NLRP11: variants seen among roughly 807,000 people sequenced by gnomAD.
NLRP11 encodes the protein NLR family pyrin domain containing 11.
In NLRP11, 53 loss-of-function variants were observed where a neutral mutation model predicts 79.3. The observed-to-expected ratio is 0.67, with a 90% CI of 0.54 to 0.84. The LOEUF (loss-of-function observed/expected upper bound fraction) is 0.84, where lower values mean the gene tolerates loss of function less well. NLRP11 is among the 40% of genes least tolerant of loss of function. The pLI, the probability that NLRP11 is intolerant of heterozygous loss-of-function variation, is 0.00. For synonymous variants in NLRP11, 518 were observed against 462.6 expected, an observed-to-expected ratio of 1.12 and a Z score of -1.54; for missense variants, 1,264 against 1,255.0, an observed-to-expected ratio of 1.01 and a Z score of -0.11.
At chr19:55,794,935 G>T (rs8106437) in intron 6 of NLRP11, among the ~76,000 whole-genome samples, 1 of 151,596 alleles carries the variant, frequency 6.6e-6, no homozygotes, top group Non-Finnish European at 1.5e-5. Context: ...AAAAGGGGGC[G>T]AAAGGAGCTA....
chr19:55,796,065 T>C lies in NLRP11; in HGVS notation c.2342+15A>G. ...TCTGAGCTTCTACGTGGTGAGCTCG[T>C]CTAAGCCAACTTACACCAGTGATAT... On this transcript the variant is annotated intron_variant, in intron 6 of 9. Transcript: ENST00000589093. The C allele has an allele frequency of 6.2e-7, 1 of 1,603,068 alleles. No homozygotes were observed. Among genetic ancestry groups the C allele is most frequent in the Non-Finnish European group, 8.5e-7 (1 of 1,170,982 alleles).
rs756242927 is a variant in NLRP11 at position 55,809,818 on chromosome 19, C to G, written c.792G>C (p.Lys264Asn). The G allele has an allele frequency of 1.2e-6, 2 of 1,614,098 alleles. No individual in the cohort carries two copies. Among genetic ancestry groups the G allele is most frequent in the African/African-American group, 1.3e-5 (1 of 74,950 alleles). The change falls in exon 3 of 10, where the codon AAG (lysine) becomes AAC (asparagine). Residue 264 changes from lysine to asparagine, a missense_variant. Physicochemically the swap from Lys to Asn is moderately conservative, Grantham distance 94. Transcript: ENST00000589093. The surrounding 1 kb of genome is among the most constrained non-coding windows in gnomAD (Gnocchi z 4.5). ...ACCAGCAGCCTGGAGCCATTTTTCTCTTCAGCAAACTGACCAGGAGAACTG... is the reference window on the plus strand; with the variant it reads ...ACCAGCAGCCTGGAGCCATTTTTCTGTTCAGCAAACTGACCAGGAGAACTG...
chr19:55,788,737 C>T, intron 9 of NLRP11, 70 bp downstream of exon 9: 2 of 916,072 alleles, frequency 2.2e-6, no homozygotes, highest in South Asian at 1.7e-5. Flanking sequence ...GAGACTCTGT[C>T]TCTCAAAAAA....
intron 9 of NLRP11, among the ~76,000 whole-genome samples, chr19:55,787,996 A>G (rs138576707): frequency 9.2e-5 from 14 of 152,308 alleles, no homozygotes; most frequent in African/African-American, 3.4e-4. Flanking sequence ...GAGAGATCTC[A>G]AGGACGACCA....
chr19:55,796,639 T>A (rs1978908221), intron 5 of NLRP11, among the ~76,000 whole-genome samples: 1 of 152,164 alleles, frequency 6.6e-6, no homozygotes, highest in Admixed American at 6.5e-5. Flanking sequence ...CTGATGTTTT[T>A]TCTGCATAGC....
At chr19:55,833,661 G>A (rs1042856426), upstream of NLRP11, among the ~76,000 whole-genome samples, 3 of 151,094 alleles carry the variant, frequency 2.0e-5, no homozygotes, top group Admixed American at 2.0e-4. Context: ...CCAGCTACTC[G>A]GGAGGCTGAG....
intron 4 of NLRP11, among the ~76,000 whole-genome samples, chr19:55,805,753 T>C (rs1979928132): frequency 6.6e-6 from 1 of 152,184 alleles, no homozygotes; most frequent in Non-Finnish European, 1.5e-5. Context: ...TTGGCCAGGC[T>C]GGTCTCGAAC....
At chr19:55,818,495 G>C (rs1981362656) in intron 1 of NLRP11, among the ~76,000 whole-genome samples, 1 of 152,228 alleles carries the variant, frequency 6.6e-6, no homozygotes, top group African/African-American at 2.4e-5. Context: ...TTAGCAAATA[G>C]CATATAGGTT....
At chr19:55,789,129 A>G (rs1990084517) in intron 8 of NLRP11, 100 bp downstream of exon 8, 2 of 1,400,612 alleles carry the variant, frequency 1.4e-6, no homozygotes, top group South Asian at 1.3e-5. Context: ...ACACTAGACT[A>G]TTATGTCCGA....
intron 9 of NLRP11, among the ~76,000 whole-genome samples, chr19:55,786,717 T>C (rs1236699738): frequency 6.6e-6 from 1 of 152,176 alleles, no homozygotes; most frequent in Admixed American, 6.5e-5. Context: ...AGTTTAGTTT[T>C]TTTTGAGCAC....
At chr19:55,818,167 T>G in exon 2 of NLRP11, 1 of 1,611,150 alleles carries the variant, frequency 6.2e-7, no homozygotes. Flanking sequence ...AGAATCCGAT[T>G]CTGCCATCTT....
chr19:55,785,526 CACACACACACACATCAA>C, exon 10 of NLRP11: 1 of 1,076,318 alleles, frequency 9.3e-7, no homozygotes, highest in Admixed American at 2.1e-5. Context: ...CACACACACA[CACACACACACACATCAA>C]ATAGGAAAAT....
chr19:55,790,605 T>A (rs1312247698), intron 7 of NLRP11, among the ~76,000 whole-genome samples: 1 of 152,216 alleles, frequency 6.6e-6, no homozygotes, highest in Non-Finnish European at 1.5e-5. Flanking sequence ...TATTCTTTGT[T>A]ATAGAATGTA....
At chr19:55,798,226 T>C in intron 5 of NLRP11, 3 of 587,612 alleles carry the variant, frequency 5.1e-6, no homozygotes, top group Middle Eastern at 8.6e-4. Flanking sequence ...TGGAACGCCT[T>C]ACCTCAGGTG....
At chr19:55,821,953 A>T (rs1193944760) in intron 1 of NLRP11, among the ~76,000 whole-genome samples, 1 of 152,186 alleles carries the variant, frequency 6.6e-6, no homozygotes, top group Non-Finnish European at 1.5e-5. Context: ...TCGTGCTCAT[A>T]TGGTTAACAA....
In NLRP11 at chr19:55,809,910, T is replaced by G. The variant is rs763042302; in HGVS notation, c.700A>C (p.Ile234Leu). ...TCATTGACATTTAACTCGAATCTTA[T>G]GTTGTCCAAGTCCTCGAGGATGAAA... is the stretch of plus-strand genomic sequence containing the variant. Residue 234 changes from isoleucine to leucine, a missense_variant, in exon 3 of 10, where the codon ATA becomes CTA. Transcript: ENST00000589093. This position sits in a 1 kb window ranked among gnomAD's most constrained non-coding sequence, Gnocchi z 4.5. 4 of 1,614,154 alleles carry G rather than the reference T, an allele frequency of 2.5e-6. No homozygotes were observed. The highest frequency in any genetic ancestry group is 1.1e-5 in the South Asian group (1 of 91,088).
At chr19:55,817,536 G>T (rs1981254116) in intron 2 of NLRP11, among the ~76,000 whole-genome samples, 1 of 152,028 alleles carries the variant, frequency 6.6e-6, no homozygotes, top group African/African-American at 2.4e-5. Context: ...AAGCTGGATG[G>T]GATTAGAGAC....
upstream of NLRP11, among the ~76,000 whole-genome samples, chr19:55,836,110 T>C (rs1201202345): frequency 6.6e-6 from 1 of 152,114 alleles, no homozygotes; most frequent in Non-Finnish European, 1.5e-5. Flanking sequence ...GGTGACCGAG[T>C]GAGACCGTAT....
intron 4 of NLRP11, among the ~76,000 whole-genome samples, chr19:55,807,535 C>T (rs564946081): frequency 5.9e-5 from 9 of 152,002 alleles, no homozygotes; most frequent in Non-Finnish European, 1.3e-4. Context: ...GAGATGCAAG[C>T]AGAAGTGATA....
Sources: gnomAD v4.1 joint callset for allele counts (sites outside exome capture counted in the v4.1 genomes callset) on GRCh38, gnomAD v4.1.1 for gene constraint, Gnocchi (gnomAD v3.1) non-coding constraint, MANE v1.5 for transcripts, NCBI Gene and HGNC (gene_info 2026-07-23, HGNC 2026-07-21) for gene names.